PCDHGB5: variants seen among roughly 807,000 people sequenced by gnomAD.
PCDHGB5 encodes the protein protocadherin gamma-B5.
PCDHGB5 carries 48 observed loss-of-function variants against 62.9 expected under a neutral mutation model. The ratio of observed to expected loss-of-function variants is 0.76; its 90% CI spans 0.61 to 0.97. The LOEUF (loss-of-function observed/expected upper bound fraction) is 0.97. Among genes scored for constraint, PCDHGB5 ranks in the 50% least tolerant of loss-of-function variants. PCDHGB5 has a pLI of 0.00. For synonymous variants in PCDHGB5, 474 were observed against 511.2 expected (o/e 0.93, Z 0.98); for missense variants, 1,118 against 1,198.6 (o/e 0.93, Z 0.99).
At chr5:141,423,852 G>T (rs796757517) in intron 1 of PCDHGB5, 36 of 1,279,400 alleles carry the variant, frequency 2.8e-5, no homozygotes, top group Non-Finnish European at 3.5e-5. Context: ...CTTTCAGAAC[G>T]TTTTTGTGAA....
intron 1 of PCDHGB5, among the ~76,000 whole-genome samples, chr5:141,424,944 A>G (rs958272371): frequency 2.6e-5 from 4 of 152,108 alleles, no homozygotes; most frequent in African/African-American, 9.7e-5. Context: ...CTCTCACATC[A>G]CTTCTAGGTA....
At chr5:141,405,326 T>TGC in intron 1 of PCDHGB5, 1 of 1,614,220 alleles carries the variant, frequency 6.2e-7, no homozygotes, top group Non-Finnish European at 8.5e-7. Flanking sequence ...TGAGCCTTTG[T>TGC]GCGTCTCTGT....
Position 141,398,660 on chromosome 5 carries a change from T to C in PCDHGB5, c.533T>C (p.Phe178Ser). 2 of 1,614,038 alleles carry C rather than the reference T, an allele frequency of 1.2e-6. No homozygotes were observed. The highest frequency in any genetic ancestry group is 1.7e-6 in the Non-Finnish European group (2 of 1,179,906). Residue 178 changes from phenylalanine to serine, a missense_variant, in exon 1 of 4, where the codon TTC becomes TCC. By Grantham distance (155) the Phe-to-Ser change is radical. Around this residue, in one of 2 missense-constraint regions of PCDHGB5, gnomAD observed 1,034 missense variants for 1,029.1 expected, o/e 1.00. Coordinates refer to ENST00000617380, the MANE Select transcript of PCDHGB5 (RefSeq NM_018925.3). ...QKYKLSLNPS[F>S]SLIIKEKQDG... ...TATAAACTCTCTCTTAACCCAAGTTTCTCATTAATAATTAAGGAGAAACAG... is the reference window on the plus strand; with the variant it reads ...TATAAACTCTCTCTTAACCCAAGTTCCTCATTAATAATTAAGGAGAAACAG...
At chr5:141,463,418 C>A (rs1442067485) in intron 1 of PCDHGB5, among the ~76,000 whole-genome samples, 3 of 138,240 alleles carry the variant, frequency 2.2e-5, no homozygotes, top group Admixed American at 7.4e-5. Context: ...TCCTAGTTTG[C>A]GGATCCTCAT....
intron 1 of PCDHGB5, chr5:141,419,383 C>A (rs1354675466): frequency 6.2e-7 from 1 of 1,613,698 alleles, no homozygotes; most frequent in South Asian, 1.1e-5. Context: ...TGTCCGTGAG[C>A]GCGCAGAGCG....
In PCDHGB5 at chr5:141,432,611, T is replaced by G. The variant is rs141541670; in HGVS notation, c.2397+32087T>G. The G allele has an allele frequency of 4.2e-4, 676 of 1,613,808 alleles. 1 individual carries two copies. The African/African-American group carries it at 5.6e-3, about 13-fold the overall frequency. On this transcript the variant is annotated intron_variant, in intron 1 of 3. Coordinates refer to ENST00000617380, the MANE Select transcript of PCDHGB5 (RefSeq NM_018925.3). This position sits in a 1 kb window ranked among gnomAD's most constrained non-coding sequence, Gnocchi z 6.0. ...CAAGGCCAGCGAGCCGGGACTCTTC[T>G]CGGTGGGTCTGCACACGGGCGAGGT...
intron 1 of PCDHGB5, among the ~76,000 whole-genome samples, chr5:141,448,772 G>C (rs1034550563): frequency 1.5e-4 from 22 of 151,272 alleles, no homozygotes; most frequent in African/African-American, 3.7e-4. Context: ...AACCCCGTCT[G>C]TACTAAAAAT....
At position 141,432,379 on chromosome 5, in the gene PCDHGB5, G is replaced by A; in HGVS notation, c.2397+31855G>A. On this transcript the variant is annotated intron_variant, in intron 1 of 3. Transcript: ENST00000617380. The surrounding 1 kb of genome is among the most constrained non-coding windows in gnomAD (Gnocchi z 6.0). ...TGATGGCGCGGGACAACGGGCACCC[G>A]CCCCTCAGCAGCAACGTGTCGTTGA... 1.2e-6 allele frequency: 2 copies of A among 1,614,208 alleles called. No homozygotes were observed. The highest frequency in any genetic ancestry group is 1.7e-6 in the Non-Finnish European group (2 of 1,180,038).
At chr5:141,426,621 C>G (rs984316174) in intron 1 of PCDHGB5, 1 of 392,280 alleles carries the variant, frequency 2.5e-6, no homozygotes, top group Non-Finnish European at 5.2e-6. Flanking sequence ...AGAGAATCCT[C>G]TAAATGTTTT....
At chr5:141,410,254 C>G in intron 1 of PCDHGB5, 1 of 1,614,020 alleles carries the variant, frequency 6.2e-7, no homozygotes, top group Non-Finnish European at 8.5e-7. Flanking sequence ...TCTCTGACCC[C>G]CAGGCTGAAC....
At chr5:141,430,567 A>G in intron 1 of PCDHGB5, 1 of 434,308 alleles carries the variant, frequency 2.3e-6, no homozygotes, top group Non-Finnish European at 3.9e-6. Context: ...GGGGAGAGAA[A>G]AGCGGAGATC....
intron 1 of PCDHGB5, among the ~76,000 whole-genome samples, chr5:141,482,800 G>C (rs10052648): frequency 0.023 from 2,992 of 130,874 alleles, 96 homozygotes; most frequent in African/African-American, 0.087. Context: ...GGCCGGGTAC[G>C]GTGGCTCATG....
At chr5:141,430,584 G>A (rs1451886397) in intron 1 of PCDHGB5, 3 of 495,136 alleles carry the variant, frequency 6.1e-6, no homozygotes, top group African/African-American at 5.9e-5. Flanking sequence ...GATCCTGCTC[G>A]CCTTGCACGC....
chr5:141,426,491 G>A, intron 1 of PCDHGB5: 1 of 336,822 alleles, frequency 3.0e-6, no homozygotes, highest in South Asian at 2.4e-5. Flanking sequence ...CTTAGAGTTA[G>A]TGCAGAGAAA....
chr5:141,401,689 A>G (rs2094183367), intron 1 of PCDHGB5, among the ~76,000 whole-genome samples: 1 of 152,222 alleles, frequency 6.6e-6, no homozygotes, highest in Non-Finnish European at 1.5e-5. Context: ...ATGGAAGGTG[A>G]ATACAGGATT....
Position 141,399,025 on chromosome 5 carries a change from CAAAAG to C in PCDHGB5, c.902_906del (p.Lys301ThrfsTer4), listed in dbSNP as rs750003738. 6.8e-6 allele frequency: 11 copies of C among 1,613,846 alleles called. No homozygotes were observed. The highest frequency in any genetic ancestry group is 5.0e-5 in the Admixed American group (3 of 60,024). On this transcript the variant is annotated frameshift_variant, in exon 1 of 4. Transcript: ENST00000617380. LOFTEE classifies it high-confidence loss of function. ...TTCAAAGAGCGGAGAAATTACCACT[CAAAAG>C]AAACTGGATTTTGAAGAGACCAAGG...
At chr5:141,507,797 C>A (rs933921827) in intron 3 of PCDHGB5, among the ~76,000 whole-genome samples, 1 of 152,240 alleles carries the variant, frequency 6.6e-6, no homozygotes, top group Admixed American at 6.5e-5. Context: ...TCTAAGCCTG[C>A]GCCCTGGGGA....
At chr5:141,469,511 G>T (rs2099203340) in intron 1 of PCDHGB5, among the ~76,000 whole-genome samples, 2 of 152,038 alleles carry the variant, frequency 1.3e-5, no homozygotes, top group South Asian at 2.1e-4. Flanking sequence ...GGAGGTGGAG[G>T]TTGCAGTGAG....
chr5:141,421,795 GC>G, intron 1 of PCDHGB5: 1 of 1,613,818 alleles, frequency 6.2e-7, no homozygotes, highest in East Asian at 2.2e-5. Context: ...AACGGATGGG[GC>G]CAAGAATCCA....
Sources: gnomAD v4.1 joint callset for allele counts (sites outside exome capture counted in the v4.1 genomes callset) on GRCh38, gnomAD v4.1.1 for gene constraint, gnomAD v4.1.1 regional missense constraint, Gnocchi (gnomAD v3.1) non-coding constraint, MANE v1.5 for transcripts, NCBI Gene and HGNC (gene_info 2026-07-23, HGNC 2026-07-21) for gene names.